The following PHACTR2 variants were observed in gnomAD, a reference collection of about 807,000 sequenced individuals.
PHACTR2 encodes the protein phosphatase and actin regulator 2, also known as chromosome 6 open reading frame 56.
A neutral mutation model predicts 76.0 loss-of-function variants in PHACTR2; 30 were observed. The observed-to-expected ratio is 0.39, with a 90% CI of 0.30 to 0.54. PHACTR2 has a LOEUF of 0.54. PHACTR2 is among the 20% of genes least tolerant of loss of function. The pLI is 0.61. For synonymous variants in PHACTR2, 292 were observed against 292.5 expected (o/e 1.00, Z 0.02); for missense variants, 696 against 781.1 (o/e 0.89, Z 1.30).
At chr6:143,651,487 A>C (rs1272245712) in intron 1 of PHACTR2, among the ~76,000 whole-genome samples, 1 of 152,194 alleles carries the variant, frequency 6.6e-6, no homozygotes, top group East Asian at 1.9e-4. Context: ...TGGTATATAT[A>C]CACCGTGGAA....
chr6:143,642,452 G>A (rs1582728656), intron 1 of PHACTR2, among the ~76,000 whole-genome samples: 1 of 152,344 alleles, frequency 6.6e-6, no homozygotes, highest in East Asian at 1.9e-4. Flanking sequence ...AGAGCTCTTA[G>A]AAGAACTGCA....
In PHACTR2 at chr6:143,679,350, T is replaced by C. The variant is rs1777330641; in HGVS notation, c.46+1141T>C. On this transcript the variant is annotated intron_variant, in intron 1 of 12. Transcript: ENST00000440869. The surrounding 1 kb of genome is among the most constrained non-coding windows in gnomAD (Gnocchi z 4.6). ...AGAGACATCAGAATCAGAATATACC[T>C]TCTTTACCATTAATGACATGGCTAC... Among the ~76,000 whole-genome samples, 1 of 152,166 alleles carries C rather than the reference T, an allele frequency of 6.6e-6. No individual in the cohort carries two copies. Among genetic ancestry groups the C allele is most frequent in the African/African-American group, 2.4e-5 (1 of 41,440 alleles).
chr6:143,557,556 A>G lies in PHACTR2; in HGVS notation c.217+20349A>G, dbSNP rs915764694. On this transcript the variant is annotated intron_variant, in intron 1 of 11. Transcript: ENST00000367584. The surrounding 1 kb of genome is among the most constrained non-coding windows in gnomAD (Gnocchi z 5.5). ...CTTCCTGCTAAGATGGCTCACCCTCACCACACAGGGTCTCGATTTTTCGAG... is the reference window on the plus strand; with the variant it reads ...CTTCCTGCTAAGATGGCTCACCCTCGCCACACAGGGTCTCGATTTTTCGAG... 2 of 152,218 alleles carry G rather than the reference A, an allele frequency of 1.3e-5. No homozygotes were observed. Among genetic ancestry groups the G allele is most frequent in the Non-Finnish European group, 2.9e-5 (2 of 68,072 alleles). 9.4% of individuals were successfully genotyped at this position (152,218 alleles called of 1,614,324 possible). A position where few individuals can be genotyped will look rare whatever the true frequency, so the allele number is the denominator to read the frequency against.
In PHACTR2 at chr6:143,775,790, C is replaced by T. The variant is rs886937282; in HGVS notation, c.1590-1538C>T. 3.3e-5 allele frequency among the ~76,000 whole-genome samples: 5 copies of T among 152,064 alleles called. No individual in the cohort carries two copies. Among genetic ancestry groups the T allele is most frequent in the Non-Finnish European group, 7.4e-5 (5 of 68,026 alleles). Reference sequence around the variant, plus strand: ...AAGGAGTAAAAAAGTGTGAAGTATCCTATACCCACCTCAATAAATGTCAAA... The same window carrying T: ...AAGGAGTAAAAAAGTGTGAAGTATCTTATACCCACCTCAATAAATGTCAAA... On this transcript the variant is annotated intron_variant, in intron 8 of 12. Coordinates refer to ENST00000440869, the MANE Select transcript of PHACTR2 (RefSeq NM_001100164.2). This position sits in a 1 kb window ranked among gnomAD's most constrained non-coding sequence, Gnocchi z 4.4.
At position 143,805,497 on chromosome 6, in the gene PHACTR2, A is replaced by C. The variant is rs886527294; in HGVS notation, c.1846-1560A>C. Among the ~76,000 whole-genome samples the C allele has an allele frequency of 7.2e-4, 108 of 150,624 alleles. 1 individual carries two copies. Among genetic ancestry groups the C allele is most frequent in the African/African-American group, 2.7e-3 (107 of 40,098 alleles). Reference sequence around the variant, plus strand: ...TCCGTCTCAAAAAAAAAAAAAAAAAAAAACCTCCTTTCAAGGAAGAACGTT... The same window carrying C: ...TCCGTCTCAAAAAAAAAAAAAAAAACAAACCTCCTTTCAAGGAAGAACGTT... On this transcript the variant is annotated intron_variant, in intron 11 of 12. Transcript: ENST00000440869.
rs989836118 is a variant in PHACTR2, at chr6:143,789,948, G to A, written c.1845+1038G>A. On this transcript the variant is annotated intron_variant, in intron 11 of 12. Transcript: ENST00000440869. This position sits in a 1 kb window ranked among gnomAD's most constrained non-coding sequence, Gnocchi z 5.1. ...AAGCACTCCAGGGATGTTTTAGGAA[G>A]AAGCAGCAGAAGAATATTGAGAAGA... 5.9e-5 allele frequency among the ~76,000 whole-genome samples: 9 copies of A among 152,194 alleles called. No individual in the cohort carries two copies. The highest frequency in any genetic ancestry group is 5.9e-4 in the Admixed American group (9 of 15,278).
chr6:143,582,438 GA>G (rs1775586679), intron 1 of PHACTR2, among the ~76,000 whole-genome samples: 2 of 152,068 alleles, frequency 1.3e-5, no homozygotes, highest in African/African-American at 4.8e-5. Context: ...CAGGTACCTG[GA>G]AACAGTTTGG....
intron 1 of PHACTR2, chr6:143,555,360 A>G (rs1775158988): frequency 6.6e-6 from 1 of 152,212 alleles, no homozygotes; most frequent in Non-Finnish European, 1.5e-5. Flanking sequence ...GCACATTTCT[A>G]TTGTGGTTGC....
rs901687442 is a variant in PHACTR2, at chr6:143,611,667, G to A, written c.13+3345G>A. Among the ~76,000 whole-genome samples, 5 of 152,218 alleles carry A rather than the reference G, an allele frequency of 3.3e-5. No homozygotes were observed. The highest frequency in any genetic ancestry group is 1.9e-4 in the East Asian group (1 of 5,204). ...ATGGCAGCATACAATGCATGTTGGC[G>A]TTTTAGAGAGTCATCAAAAGATTGA... On this transcript the variant is annotated intron_variant, in intron 1 of 11. Coordinates refer to the PHACTR2 transcript ENST00000305766. The surrounding 1 kb of genome is among the most constrained non-coding windows in gnomAD (Gnocchi z 4.4).
intron 2 of PHACTR2, among the ~76,000 whole-genome samples, chr6:143,735,144 C>T (rs1053392005): frequency 3.3e-5 from 5 of 152,012 alleles, no homozygotes; most frequent in South Asian, 2.1e-4. Flanking sequence ...ACTTTTTGTC[C>T]GAAGGTTTCT....
upstream of PHACTR2, among the ~76,000 whole-genome samples, chr6:143,675,918 T>G (rs1777237772): frequency 6.6e-6 from 1 of 152,200 alleles, no homozygotes; most frequent in Non-Finnish European, 1.5e-5. This position sits in a 1 kb window ranked among gnomAD's most constrained non-coding sequence, Gnocchi z 4.9. Flanking sequence ...TATCTAACCT[T>G]TGCGTTACAA....
At chr6:143,622,710 A>G (rs969890816) in intron 1 of PHACTR2, among the ~76,000 whole-genome samples, 2 of 152,228 alleles carry the variant, frequency 1.3e-5, no homozygotes, top group Non-Finnish European at 2.9e-5. Context: ...TCAACCCAGA[A>G]AAGTCCTTGT....
At chr6:143,628,021 C>T (rs1776290253) in intron 1 of PHACTR2, among the ~76,000 whole-genome samples, 1 of 152,130 alleles carries the variant, frequency 6.6e-6, no homozygotes. Flanking sequence ...TGGGATATTT[C>T]TTATAAATGG....
chr6:143,559,685 C>CTTT, intron 1 of PHACTR2, among the ~76,000 whole-genome samples: 1 of 38,104 alleles, frequency 2.6e-5, no homozygotes, highest in Admixed American at 4.1e-4. Flanking sequence ...AGTGATTTTT[C>CTTT]TTTTCTTTTT....
At position 143,558,465 on chromosome 6, in the gene PHACTR2, T is replaced by C. The variant is rs1182962724; in HGVS notation, c.217+21258T>C. Among the ~76,000 whole-genome samples the C allele has an allele frequency of 6.6e-6, 1 of 152,206 alleles. No homozygotes were observed. Among genetic ancestry groups the C allele is most frequent in the African/African-American group, 2.4e-5 (1 of 41,434 alleles). On this transcript the variant is annotated intron_variant, in intron 1 of 11. Coordinates refer to the PHACTR2 transcript ENST00000367584. This position sits in a 1 kb window ranked among gnomAD's most constrained non-coding sequence, Gnocchi z 4.7. Reference sequence around the variant, plus strand: ...AATATTAAATTTCTAAATTCATATGTAGTAAAACTACTAGGTTTTAAAAAA... The same window carrying C: ...AATATTAAATTTCTAAATTCATATGCAGTAAAACTACTAGGTTTTAAAAAA...
rs551374931 is a variant in PHACTR2, at chr6:143,773,033, C to T, written c.1432+576C>T. Reference sequence around the variant, plus strand: ...TTCGAGACTAGCCTAGCCAACATGGCGAAGCCCTATCTTTACTAAAAATAC... The same window carrying T: ...TTCGAGACTAGCCTAGCCAACATGGTGAAGCCCTATCTTTACTAAAAATAC... On this transcript the variant is annotated intron_variant, in intron 7 of 12. Coordinates refer to ENST00000440869, the MANE Select transcript of PHACTR2 (RefSeq NM_001100164.2). 3.9e-5 allele frequency among the ~76,000 whole-genome samples: 6 copies of T among 152,152 alleles called. No individual in the cohort carries two copies. The East Asian group carries it at 5.8e-4, about 15-fold the overall frequency.
rs184454628 is a variant in PHACTR2 at position 143,776,069 on chromosome 6, G to A, written c.1590-1259G>A. ...TTGGAGGCAGAGGTTGCAGTGAGCC[G>A]AGATTGTACCACTGCACACCAGCCT... On this transcript the variant is annotated intron_variant, in intron 8 of 12. Coordinates refer to ENST00000440869, the MANE Select transcript of PHACTR2 (RefSeq NM_001100164.2). This position sits in a 1 kb window ranked among gnomAD's most constrained non-coding sequence, Gnocchi z 5.3. Among the ~76,000 whole-genome samples the A allele has an allele frequency of 2.0e-5, 3 of 152,194 alleles. No homozygotes were observed. Among genetic ancestry groups the A allele is most frequent in the Non-Finnish European group, 2.9e-5 (2 of 68,006 alleles).
rs1050136434 is a variant in PHACTR2 at position 143,633,925 on chromosome 6, G to A, written c.13+25603G>A. On this transcript the variant is annotated intron_variant, in intron 1 of 11. Transcript: ENST00000305766. This position sits in a 1 kb window ranked among gnomAD's most constrained non-coding sequence, Gnocchi z 4.1. ...TAAGATGAAAGTAAAAACGGTCCTCGTTTAGAAGCCAATATTTTACTTAAC... is the reference window on the plus strand; with the variant it reads ...TAAGATGAAAGTAAAAACGGTCCTCATTTAGAAGCCAATATTTTACTTAAC... 3.9e-5 allele frequency among the ~76,000 whole-genome samples: 6 copies of A among 152,108 alleles called. No individual in the cohort carries two copies. The highest frequency in any genetic ancestry group is 4.1e-4 in the South Asian group (2 of 4,824).
chr6:143,593,607 T>G (rs1312314619), intron 1 of PHACTR2, among the ~76,000 whole-genome samples: 1 of 152,182 alleles, frequency 6.6e-6, no homozygotes, highest in East Asian at 1.9e-4. Context: ...AAAACCTAAT[T>G]TTATCTATAG....
Sources: gnomAD v4.1 joint callset for allele counts (sites outside exome capture counted in the v4.1 genomes callset) on GRCh38, gnomAD v4.1.1 for gene constraint, Gnocchi (gnomAD v3.1) non-coding constraint, MANE v1.5 for transcripts, NCBI Gene and HGNC (gene_info 2026-07-23, HGNC 2026-07-21) for gene names.